The following ITGA8 variants were observed in gnomAD, a reference collection of about 807,000 sequenced individuals.
The protein encoded by ITGA8 is integrin alpha-8.
In ITGA8, 91 loss-of-function variants were observed where a neutral mutation model predicts 142.3. That is an observed-to-expected ratio of 0.64 (90% confidence interval 0.54 to 0.76). ITGA8 has a LOEUF of 0.76. Among genes scored for constraint, ITGA8 ranks in the 30% least tolerant of loss-of-function variants. The pLI, the probability that ITGA8 is intolerant of heterozygous loss-of-function variation, is 0.00. For synonymous variants in ITGA8, 505 were observed against 485.2 expected (o/e 1.04, Z -0.54); for missense variants, 1,406 against 1,327.7 (o/e 1.06, Z -0.92).
At chr10:15,550,446 A>C (rs1833774037) in intron 26 of ITGA8, among the ~76,000 whole-genome samples, 1 of 152,094 alleles carries the variant, frequency 6.6e-6, no homozygotes, top group South Asian at 2.1e-4. Flanking sequence ...CCTGCCCTTC[A>C]GAGGGAAGAG....
At chr10:15,597,157 G>T in intron 21 of ITGA8, 50 bp downstream of exon 21, 1 of 1,419,504 alleles carries the variant, frequency 7.0e-7, no homozygotes, top group Non-Finnish European at 1.0e-6. Flanking sequence ...TTTGTTCCCT[G>T]TGAAGTCCAG....
chr10:15,542,573 C>A (rs1190778204), intron 27 of ITGA8, among the ~76,000 whole-genome samples: 3 of 152,064 alleles, frequency 2.0e-5, no homozygotes, highest in Non-Finnish European at 4.4e-5. Context: ...GTATAGTTAT[C>A]CATAATTTAA....
intron 28 of ITGA8, among the ~76,000 whole-genome samples, chr10:15,522,303 T>C (rs1230729494): frequency 6.6e-6 from 1 of 152,242 alleles, no homozygotes; most frequent in Non-Finnish European, 1.5e-5. Flanking sequence ...TCTCTTGTTA[T>C]GTACCCTTCC....
intron 21 of ITGA8, 156 bp downstream of exon 21, chr10:15,597,050 GT>G: frequency 1.5e-6 from 1 of 649,572 alleles, no homozygotes; most frequent in Non-Finnish European, 2.8e-6. Flanking sequence ...CTCTGTGTAG[GT>G]TATAATGTGA....
intron 13 of ITGA8, among the ~76,000 whole-genome samples, chr10:15,638,495 C>T (rs901062374): frequency 6.6e-6 from 1 of 152,210 alleles, no homozygotes; most frequent in Non-Finnish European, 1.5e-5. Flanking sequence ...GGGAAGCCAA[C>T]ACTGCCCACT....
rs7096616 is a variant in ITGA8, at chr10:15,538,573, C to T, written c.2881-7422G>A. The stretch of plus-strand genomic sequence containing the variant: ...TGGCGTTCTATGGAAGCCTATGTCA[C>T]TTTAGAAAAGCAGAATCTAATTTGA... On this transcript the variant is annotated intron_variant, in intron 27 of 29. Coordinates refer to ENST00000378076, the MANE Select transcript of ITGA8 (RefSeq NM_003638.3). Among the ~76,000 whole-genome samples, 692 of 148,562 alleles carry T rather than the reference C, an allele frequency of 4.7e-3. 5 individuals carry two copies. Among genetic ancestry groups the T allele is most frequent in the African/African-American group, 0.016 (658 of 40,382 alleles).
At chr10:15,708,780 A>G (rs548828941) in intron 2 of ITGA8, among the ~76,000 whole-genome samples, 15 of 152,256 alleles carry the variant, frequency 9.9e-5, no homozygotes, top group Admixed American at 2.6e-4. Context: ...ATAAATGTCA[A>G]TTTCAGGTGG....
chr10:15,672,782 T>G, intron 6 of ITGA8, 33 bp from the exon 7 acceptor site: 1 of 1,548,920 alleles, frequency 6.5e-7, no homozygotes, highest in Non-Finnish European at 8.7e-7. Flanking sequence ...GTTAACTGAA[T>G]GAAAGCAAGA....
rs539159160 is a variant in ITGA8, at chr10:15,546,649, C to G, written c.2880+1806G>C. On this transcript the variant is annotated intron_variant, in intron 27 of 29. Transcript: ENST00000378076. ...GATCTGGTCTAAAACGTTAATAGTG[C>G]AGAGATTGAGAAACTCTGCCTTAGG... Among the ~76,000 whole-genome samples the G allele has an allele frequency of 1.1e-3, 162 of 148,982 alleles. 5 individuals are homozygous for G. In the South Asian group the frequency reaches 0.033, roughly 30 times the overall value.
chr10:15,647,164 G>T lies in ITGA8; in HGVS notation c.1002-113C>A, dbSNP rs1833997503. Reference sequence around the variant, plus strand: ...CCATTGGTATTTTTCCTTTTCTGAGGGTTATTTTACAATCATCAGATTGCT... The same window carrying T: ...CCATTGGTATTTTTCCTTTTCTGAGTGTTATTTTACAATCATCAGATTGCT... On this transcript the variant is annotated intron_variant, in intron 11 of 29. Coordinates refer to ENST00000378076, the MANE Select transcript of ITGA8 (RefSeq NM_003638.3). 1.2e-5 allele frequency: 9 copies of T among 765,108 alleles called. No homozygotes were observed. In the East Asian group the frequency reaches 1.3e-4, roughly 11 times the overall value. 47.4% of individuals were successfully genotyped at this position (765,108 alleles called of 1,614,324 possible).
intron 23 of ITGA8, among the ~76,000 whole-genome samples, chr10:15,584,685 A>G (rs1832792515): frequency 6.6e-6 from 1 of 152,346 alleles, no homozygotes; most frequent in South Asian, 2.1e-4. Flanking sequence ...GAAGATATGT[A>G]CAAAAAACAA....
intron 22 of ITGA8, among the ~76,000 whole-genome samples, chr10:15,588,711 A>C (rs1041209693): frequency 7.2e-5 from 11 of 152,168 alleles, no homozygotes; most frequent in African/African-American, 2.7e-4. Context: ...ATTCTATTGT[A>C]TTTTCTTCCC....
In ITGA8 at chr10:15,662,326, C is replaced by CTTTTTTTTT. The variant is rs200922550; in HGVS notation, c.848-1413_848-1405dup. Among the ~76,000 whole-genome samples the CTTTTTTTTT allele has an allele frequency of 1.1e-4, 8 of 72,722 alleles. 1 individual carries two copies. The highest frequency in any genetic ancestry group is 3.4e-4 in the East Asian group (1 of 2,916). The allele number at this position is 72,722 out of a possible 152,430, so 47.7% of individuals were successfully genotyped here. On this transcript the variant is annotated intron_variant, in intron 8 of 29. Transcript: ENST00000378076. ...CTCAAGGTGAAATCTTCAGAAGGTCCTTTTTTTTTTTTTTTTTTTTTTTTT... is the reference window on the plus strand; with the variant it reads ...CTCAAGGTGAAATCTTCAGAAGGTCCTTTTTTTTTTTTTTTTTTTTTTTTTTTTTTTTTT...
chr10:15,517,024 A>G lies in ITGA8; in HGVS notation c.*134T>C. The G allele has an allele frequency of 2.4e-6, 1 of 419,654 alleles. No homozygotes were observed. Among genetic ancestry groups the G allele is most frequent in the Non-Finnish European group, 4.0e-6 (1 of 248,818 alleles). The allele number at this position is 419,654 out of a possible 1,614,324, so 26.0% of individuals were successfully genotyped here. On this transcript the variant is annotated 3_prime_UTR_variant, in exon 30 of 30. Coordinates refer to ENST00000378076, the MANE Select transcript of ITGA8 (RefSeq NM_003638.3). Reference sequence around the variant, plus strand: ...TCCAAAGTGCGGTGTAGATGAGGTGATGTTTCCAGGGTCCCCTCCATTTCC... The same window carrying G: ...TCCAAAGTGCGGTGTAGATGAGGTGGTGTTTCCAGGGTCCCCTCCATTTCC...
chr10:15,604,126 C>T, intron 20 of ITGA8, 82 bp downstream of exon 20: 1 of 1,244,496 alleles, frequency 8.0e-7, no homozygotes, highest in East Asian at 2.3e-5. Context: ...AAGAAACTCT[C>T]AGCTAAGATG....
At chr10:15,608,103 G>T (rs1588672320) in intron 16 of ITGA8, 132 bp downstream of exon 16, 3 of 708,146 alleles carry the variant, frequency 4.2e-6, no homozygotes, top group South Asian at 1.7e-5. Context: ...TTATTAGAAG[G>T]TTCCATATAT....
chr10:15,521,595 A>G (rs77559063), intron 28 of ITGA8, among the ~76,000 whole-genome samples: 15,911 of 152,150 alleles, frequency 0.1, 916 homozygotes, highest in Middle Eastern at 0.16. Flanking sequence ...GCTGGCCTCA[A>G]CCTAGTCATC....
chr10:15,644,484 AT>A (rs1564389053), intron 12 of ITGA8, among the ~76,000 whole-genome samples: 487 of 11,880 alleles, frequency 0.041, 38 homozygotes, highest in Admixed American at 0.082. Flanking sequence ...ATATATATAT[AT>A]ATATATAGAA....
chr10:15,682,132 C>A lies in ITGA8; in HGVS notation c.568+1872G>T, dbSNP rs560187639. ...GTCTTGTCTAAAATGCTGCTCCTCC[C>A]CTGGCTTCCCCAGCACAGGTCTCTC... On this transcript the variant is annotated intron_variant, in intron 4 of 29. Coordinates refer to ENST00000378076, the MANE Select transcript of ITGA8 (RefSeq NM_003638.3). Among the ~76,000 whole-genome samples, 4 of 152,260 alleles carry A rather than the reference C, an allele frequency of 2.6e-5. No individual in the cohort carries two copies. In the South Asian group the frequency reaches 8.3e-4, roughly 32 times the overall value.
Sources: allele counts gnomAD v4.1 joint callset (sites outside exome capture counted in the v4.1 genomes callset), GRCh38; gene constraint gnomAD v4.1.1; transcripts MANE v1.5; gene names NCBI Gene and HGNC (gene_info 2026-07-23, HGNC 2026-07-21).